Variants in SPIRE2 observed in about 807,000 individuals in gnomAD.
SPIRE2 encodes spire type actin nucleation factor 2, also known as protein spire homolog 2.
In SPIRE2, 76 loss-of-function variants were observed where a neutral mutation model predicts 80.7. That is an observed-to-expected ratio of 0.94 (90% CI 0.78 to 1.14). The LOEUF is 1.14. SPIRE2 is among the 50% of genes most tolerant of loss of function. The probability of loss-of-function intolerance (pLI) is 0.00; values close to 1 mark genes in which losing one functional copy is unlikely to be tolerated. For missense variants in SPIRE2, 1,196 were observed against 1,015.3 expected (o/e 1.18, Z -2.42); for synonymous variants, 535 against 432.6 (o/e 1.24, Z -2.94).
Position 89,851,322 on chromosome 16 carries a change from A to G in SPIRE2, c.645+662A>G, listed in dbSNP as rs139141106. 3.2e-3 allele frequency among the ~76,000 whole-genome samples: 493 copies of G among 152,258 alleles called. 4 individuals carry two copies. The highest frequency in any genetic ancestry group is 0.011 in the African/African-American group (469 of 41,520). ...TGGTTCCTTCTGAAATATGATGCCAAAGGTGGCCCCCTCTATACGCAGGAA... is the reference window on the plus strand; with the variant it reads ...TGGTTCCTTCTGAAATATGATGCCAGAGGTGGCCCCCTCTATACGCAGGAA... On this transcript the variant is annotated intron_variant, in intron 3 of 14. Coordinates refer to ENST00000378247, the MANE Select transcript of SPIRE2 (RefSeq NM_032451.2).
At position 89,845,324 on chromosome 16, in the gene SPIRE2, C is replaced by A. The variant is rs756702934; in HGVS notation, c.247C>A (p.Pro83Thr). Residue 83 changes from proline (P) to threonine (T), a missense_variant and splice_region_variant, in exon 2 of 15, where the codon CCT (proline) becomes ACT (threonine). Coordinates refer to ENST00000378247, the MANE Select transcript of SPIRE2 (RefSeq NM_032451.2). The part of the protein sequence containing the change: ...VGAREPEAAE[P>T]ATMVVPLASS... Reference sequence around the variant, plus strand: ...CTTAACTCCCTCTTCTCTTACAGAACCTGCAACCATGGTCGTGCCACTAGC... The same window carrying A: ...CTTAACTCCCTCTTCTCTTACAGAAACTGCAACCATGGTCGTGCCACTAGC... The A allele has an allele frequency of 2.0e-5, 33 of 1,614,032 alleles. No individual in the cohort carries two copies. Among genetic ancestry groups the A allele is most frequent in the Non-Finnish European group, 2.7e-5 (32 of 1,180,002 alleles).
At position 89,854,361 on chromosome 16, in the gene SPIRE2, G is replaced by C; in HGVS notation, c.721G>C (p.Asp241His). The change falls in exon 4 of 15, where the codon GAC (aspartate) becomes CAC (histidine). Residue 241 changes from aspartate (D) to histidine (H), a missense_variant. By Grantham distance (81) the Asp-to-His change is moderately conservative. Coordinates refer to ENST00000378247, the MANE Select transcript of SPIRE2 (RefSeq NM_032451.2). The part of the protein sequence containing the change: ...RAELDSLGHT[D>H]WARLWVQLMR... ...AGAGCTGGACAGCCTGGGTCACACA[G>C]ACTGGGTAAGGCTCACTCCCACCTG... is the stretch of plus-strand genomic sequence containing the variant. 1 of 1,612,394 alleles carries C rather than the reference G, an allele frequency of 6.2e-7. No individual in the cohort carries two copies. The highest frequency in any genetic ancestry group is 1.3e-5 in the African/African-American group (1 of 75,070).
chr16:89,856,558 C>T (rs2041693733), intron 7 of SPIRE2, among the ~76,000 whole-genome samples: 1 of 151,784 alleles, frequency 6.6e-6, no homozygotes, highest in Non-Finnish European at 1.5e-5. Context: ...GATGCTCATG[C>T]CTCAGCTTCC....
chr16:89,856,109 G>A lies in SPIRE2; in HGVS notation c.979-4G>A, dbSNP rs545413805. On this transcript the variant is annotated splice_polypyrimidine_tract_variant and splice_region_variant and intron_variant, in intron 6 of 14. Transcript: ENST00000378247. ...CCACCGCAGGTCTCGCTTCCCCACC[G>A]CAGGTCTCTGAGAGGCGGCTGCGCC... 9.9e-6 allele frequency: 16 copies of A among 1,611,186 alleles called. No individual in the cohort carries two copies. The highest frequency in any genetic ancestry group is 4.0e-5 in the African/African-American group (3 of 74,988).
intron 1 of SPIRE2, among the ~76,000 whole-genome samples, chr16:89,840,311 G>A (rs966332050): frequency 3.4e-5 from 5 of 148,648 alleles, no homozygotes; most frequent in South Asian, 2.1e-4. Context: ...GTGCAGTGGC[G>A]CGATCTCGGC....
At position 89,863,835 on chromosome 16, in the gene SPIRE2, G is replaced by A. The variant is rs1490922874; in HGVS notation, c.1752G>A (p.Trp584Ter). ...GGGCCAAGTTCCCGCTGTTCTCGTGGCCGCCCAGCTGTCTCTTCTGCAAGA... is the reference window on the plus strand; with the variant it reads ...GGGCCAAGTTCCCGCTGTTCTCGTGACCGCCCAGCTGTCTCTTCTGCAAGA... ...CCRAKFPLFS[W>*]PPSCLFCKRA... Residue 584 changes from tryptophan (W) to a stop codon, truncating the protein, a stop_gained, in exon 12 of 15, where the codon TGG (tryptophan) becomes TGA (stop). Coordinates refer to ENST00000378247, the MANE Select transcript of SPIRE2 (RefSeq NM_032451.2). LOFTEE classifies it high-confidence loss of function. This position sits in a 1 kb window ranked among gnomAD's most constrained non-coding sequence, Gnocchi z 4.3. The A allele has an allele frequency of 6.2e-7, 1 of 1,613,976 alleles. No individual in the cohort carries two copies. Among genetic ancestry groups the A allele is most frequent in the Non-Finnish European group, 8.5e-7 (1 of 1,179,958 alleles).
rs372509347 is a variant in SPIRE2, at chr16:89,842,258, G to C, written c.245-3064G>C. 1.8e-3 allele frequency among the ~76,000 whole-genome samples: 218 copies of C among 121,932 alleles called. 2 individuals carry two copies. The highest frequency in any genetic ancestry group is 6.5e-3 in the African/African-American group (192 of 29,758). 80.0% of individuals were successfully genotyped at this position (121,932 alleles called of 152,430 possible). A position where few individuals can be genotyped will look rare whatever the true frequency, so the allele number is the denominator to read the frequency against. On this transcript the variant is annotated intron_variant, in intron 1 of 14. Transcript: ENST00000378247. ...GACGGAGTCTCACTCTGTTGCCCAGGCTGGAGTGCAGTGGCACCATCTTGA... is the reference window on the plus strand; with the variant it reads ...GACGGAGTCTCACTCTGTTGCCCAGCCTGGAGTGCAGTGGCACCATCTTGA...
chr16:89,869,970 G>A, intron 14 of SPIRE2, 80 bp from the exon 15 acceptor site: 1 of 1,258,910 alleles, frequency 7.9e-7, no homozygotes, highest in Non-Finnish European at 1.1e-6. Flanking sequence ...CCAGGAGGGG[G>A]CTGTGGCATG....
chr16:89,864,509 G>A (rs558349459), intron 12 of SPIRE2, among the ~76,000 whole-genome samples: 3 of 152,298 alleles, frequency 2.0e-5, no homozygotes, highest in South Asian at 2.1e-4. Flanking sequence ...GCTCAGCCAC[G>A]CCTAAAAGGT....
rs376602670 is a variant in SPIRE2 at position 89,858,504 on chromosome 16, T to G, written c.1269T>G (p.Ser423=). ...TLAEMEEMNT[S]EEEESPCGEV... is the part of the protein sequence containing the mutation. ...CTGAAATGGAAGAGATGAATACATC[T>G]GAGGTCAGAACCCATGGGGATTCCT... Residue 423 remains serine, a synonymous_variant, in exon 8 of 15, where the codon TCT becomes TCG. Coordinates refer to ENST00000378247, the MANE Select transcript of SPIRE2 (RefSeq NM_032451.2). 2.0e-5 allele frequency: 32 copies of G among 1,590,198 alleles called. No homozygotes were observed. The highest frequency in any genetic ancestry group is 2.7e-5 in the Non-Finnish European group (32 of 1,169,280).
intron 1 of SPIRE2, among the ~76,000 whole-genome samples, chr16:89,839,385 A>AC (rs903833527): frequency 6.6e-6 from 1 of 151,176 alleles, no homozygotes; most frequent in South Asian, 2.1e-4. Context: ...AAAAAAAAAA[A>AC]AAAACTGTTA....
At chr16:89,835,522 G>A (rs1424099866) in intron 1 of SPIRE2, among the ~76,000 whole-genome samples, 5 of 152,138 alleles carry the variant, frequency 3.3e-5, no homozygotes, top group African/African-American at 7.2e-5. Flanking sequence ...GGTGAGAGCC[G>A]GCTCCCACAG....
In SPIRE2 at chr16:89,828,767, G is replaced by C. The variant is rs576513932; in HGVS notation, c.217G>C (p.Val73Leu). The C allele has an allele frequency of 8.4e-6, 10 of 1,190,384 alleles. No individual in the cohort carries two copies. The South Asian group carries it at 4.1e-4, about 49-fold the overall frequency. The allele number at this position is 1,190,384 out of a possible 1,614,324, so 73.7% of individuals were successfully genotyped here. ...GDLLLRGDGS[V>L]GAREPEAAEP... ...CCTCCTGCTGCGCGGGGACGGCTCG[G>C]TCGGGGCGCGGGAGCCCGAGGCCGC... Residue 73 changes from valine to leucine, a missense_variant, in exon 1 of 15, where the codon GTC (valine) becomes CTC (leucine). Val to Leu is a conservative substitution (Grantham distance 32, BLOSUM62 1). Transcript: ENST00000378247. This position sits in a 1 kb window ranked among gnomAD's most constrained non-coding sequence, Gnocchi z 5.9.
At chr16:89,854,877 G>T (rs1303175322) in intron 5 of SPIRE2, among the ~76,000 whole-genome samples, 1 of 152,214 alleles carries the variant, frequency 6.6e-6, no homozygotes, top group African/African-American at 2.4e-5. Context: ...GGGAAAGGAA[G>T]TGTGGAAGGT....
chr16:89,855,982 G>T (rs1206926995), intron 6 of SPIRE2, 131 bp from the exon 7 acceptor site: 2 of 1,456,202 alleles, frequency 1.4e-6, no homozygotes, highest in Admixed American at 4.6e-5. Context: ...GGCCTGGCAG[G>T]CTCTTCCGAC....
At chr16:89,858,652 C>G in intron 8 of SPIRE2, 145 bp downstream of exon 8, 4 of 781,574 alleles carry the variant, frequency 5.1e-6, no homozygotes, top group Non-Finnish European at 7.5e-6. Flanking sequence ...GACATCCTGC[C>G]GTAGGAGGAG....
intron 1 of SPIRE2, chr16:89,836,067 T>G (rs544264355): frequency 5.3e-6 from 2 of 376,678 alleles, no homozygotes; most frequent in East Asian, 1.5e-4. Flanking sequence ...CCCAGTTGTT[T>G]AGGAGGTTAA....
intron 12 of SPIRE2, among the ~76,000 whole-genome samples, chr16:89,866,553 C>T (rs546213459): frequency 2.6e-5 from 4 of 152,166 alleles, no homozygotes; most frequent in Non-Finnish European, 4.4e-5. Flanking sequence ...CCTTGGCCTC[C>T]CAAAGTGCTG....
In SPIRE2 at chr16:89,860,185, C is replaced by G. The variant is rs531405789; in HGVS notation, c.1463-498C>G. Among the ~76,000 whole-genome samples the G allele has an allele frequency of 7.9e-5, 12 of 152,256 alleles. No individual in the cohort carries two copies. The East Asian group carries it at 2.3e-3, about 29-fold the overall frequency. On this transcript the variant is annotated intron_variant, in intron 9 of 14. Coordinates refer to ENST00000378247, the MANE Select transcript of SPIRE2 (RefSeq NM_032451.2). ...TCATTCTGGGGCTCAGACACGGGGG[C>G]CCTTCCGGGGTCCTGTGGACCCTCT...
Sources: gnomAD v4.1 joint callset for allele counts (sites outside exome capture counted in the v4.1 genomes callset) on GRCh38, gnomAD v4.1.1 for gene constraint, Gnocchi (gnomAD v3.1) non-coding constraint, MANE v1.5 for transcripts, NCBI Gene and HGNC (gene_info 2026-07-23, HGNC 2026-07-21) for gene names.